Variants in GCGR observed in about 807,000 individuals in gnomAD.
GCGR encodes the protein glucagon receptor.
GCGR carries 41 observed loss-of-function variants against 56.1 expected under a neutral mutation model. The ratio of observed to expected loss-of-function variants is 0.73; its 90% CI spans 0.57 to 0.95. The LOEUF (loss-of-function observed/expected upper bound fraction) is 0.95. Ranked by LOEUF, GCGR falls within the 40% of genes least tolerant of loss-of-function variation. The pLI, the probability that GCGR is intolerant of heterozygous loss-of-function variation, is 0.00. For missense variants in GCGR, 595 were observed against 638.2 expected (o/e 0.93, Z 0.73); for synonymous variants, 278 against 271.1 (o/e 1.03, Z -0.25).
chr17:81,808,668 C>T (rs1040794933), intron 1 of GCGR, among the ~76,000 whole-genome samples, 174 bp from the exon 2 acceptor site: 2 of 152,108 alleles, frequency 1.3e-5, no homozygotes, highest in South Asian at 2.1e-4. Flanking sequence ...TACAGACGCC[C>T]GCCACCACGC....
Position 81,812,665 on chromosome 17 carries a change from G to A in GCGR, c.1037G>A (p.Arg346Gln), listed in dbSNP as rs1419839154. The change falls in exon 11 of 14, where the codon CGG (arginine) becomes CAG (glutamine). Residue 346 changes from arginine (R) to glutamine (Q), a missense_variant and splice_region_variant. Coordinates refer to ENST00000400723, the MANE Select transcript of GCGR (RefSeq NM_000160.5). The surrounding 1 kb of genome is among the most constrained non-coding windows in gnomAD (Gnocchi z 8.5). ...RQMHHTDYKF[R>Q]LAKSTLTLIP... Reference sequence around the variant, plus strand: ...ATGCACCACACAGACTACAAGTTCCGGTGGGTGCCGCGGCAGCTGGCGTCT... The same window carrying A: ...ATGCACCACACAGACTACAAGTTCCAGTGGGTGCCGCGGCAGCTGGCGTCT... The A allele has an allele frequency of 4.6e-6, 7 of 1,534,128 alleles. No individual in the cohort carries two copies. Among genetic ancestry groups the A allele is most frequent in the South Asian group, 2.4e-5 (2 of 83,990 alleles).
rs2037961577 is a variant in GCGR, at chr17:81,806,211, T to G, written c.-178+1962T>G. On this transcript the variant is annotated intron_variant, in intron 1 of 13. Transcript: ENST00000400723. This position sits in a 1 kb window ranked among gnomAD's most constrained non-coding sequence, Gnocchi z 6.5. The stretch of plus-strand genomic sequence containing the variant: ...AGGAGCTGGAGTCTCCCTACCCATA[T>G]GGGACCCACCACCCGCAGGGAACGG... 6.6e-6 allele frequency among the ~76,000 whole-genome samples: 1 copy of G among 152,056 alleles called. No homozygotes were observed. The highest frequency in any genetic ancestry group is 2.4e-5 in the African/African-American group (1 of 41,406).
In GCGR at chr17:81,812,477, T is replaced by G; in HGVS notation, c.949-100T>G. ...CTATGTGGCCCAGGGCCTATCTTGCTGCCAGGCCCACCTGCAGGAGGGTCA... is the reference window on the plus strand; with the variant it reads ...CTATGTGGCCCAGGGCCTATCTTGCGGCCAGGCCCACCTGCAGGAGGGTCA... On this transcript the variant is annotated intron_variant, in intron 10 of 13. Transcript: ENST00000400723. The surrounding 1 kb of genome is among the most constrained non-coding windows in gnomAD (Gnocchi z 8.5). The G allele has an allele frequency of 8.1e-7, 1 of 1,227,252 alleles. No individual in the cohort carries two copies. Among genetic ancestry groups the G allele is most frequent in the South Asian group, 1.4e-5 (1 of 70,668 alleles). 76.0% of individuals were successfully genotyped at this position (1,227,252 alleles called of 1,614,324 possible).
Position 81,812,106 on chromosome 17 carries a change from C to T in GCGR, c.879-77C>T. On this transcript the variant is annotated intron_variant, in intron 9 of 13. Transcript: ENST00000400723. The surrounding 1 kb of genome is among the most constrained non-coding windows in gnomAD (Gnocchi z 8.5). ...TTCTGAGACCCGAATTAGATCCTGG[C>T]AAAATCGGGACGGGGGTGCTGAGGG... The T allele has an allele frequency of 7.0e-7, 1 of 1,433,790 alleles. No individual in the cohort carries two copies. The highest frequency in any genetic ancestry group is 9.4e-7 in the Non-Finnish European group (1 of 1,068,946). The allele number at this position is 1,433,790 out of a possible 1,614,324, so 88.8% of individuals were successfully genotyped here.
rs1196583183 is a variant in GCGR at position 81,809,017 on chromosome 17, G to C, written c.-2G>C. The C allele has an allele frequency of 1.3e-6, 2 of 1,535,870 alleles. No homozygotes were observed. Among genetic ancestry groups the C allele is most frequent in the African/African-American group, 1.4e-5 (1 of 73,044 alleles). On this transcript the variant is annotated 5_prime_UTR_variant, in exon 2 of 14. Transcript: ENST00000400723. The stretch of plus-strand genomic sequence containing the variant: ...GTGGGAGGCAGCTAGCTGCCCAGAG[G>C]CATGCCCCCCTGCCAGCCACAGCGA...
Position 81,812,345 on chromosome 17 carries a change from G to A in GCGR, c.948+93G>A. 7.1e-7 allele frequency: 1 copy of A among 1,410,006 alleles called. No individual in the cohort carries two copies. The highest frequency in any genetic ancestry group is 9.7e-7 in the Non-Finnish European group (1 of 1,036,040). The allele number at this position is 1,410,006 out of a possible 1,614,324, so 87.3% of individuals were successfully genotyped here. A position where few individuals can be genotyped will look rare whatever the true frequency, so the allele number is the denominator to read the frequency against. On this transcript the variant is annotated intron_variant, in intron 10 of 13. Transcript: ENST00000400723. This position sits in a 1 kb window ranked among gnomAD's most constrained non-coding sequence, Gnocchi z 8.5. ...GGAGACAGCAGCATCCTGTCTGAGA[G>A]CGCTGGGAGGGAGCCGGCACCCAGA...
Position 81,812,008 on chromosome 17 carries a change from C to A in GCGR, c.878+62C>A. Reference sequence around the variant, plus strand: ...GGGGGGCTGGGGTGCGGCGCTCTGGCCTGAGGCAGGGAGGGGCCGGGGATG... The same window carrying A: ...GGGGGGCTGGGGTGCGGCGCTCTGGACTGAGGCAGGGAGGGGCCGGGGATG... On this transcript the variant is annotated intron_variant, in intron 9 of 13. Coordinates refer to ENST00000400723, the MANE Select transcript of GCGR (RefSeq NM_000160.5). The surrounding 1 kb of genome is among the most constrained non-coding windows in gnomAD (Gnocchi z 8.5). 2 of 1,531,830 alleles carry A rather than the reference C, an allele frequency of 1.3e-6. No individual in the cohort carries two copies. Among genetic ancestry groups the A allele is most frequent in the Non-Finnish European group, 1.7e-6 (2 of 1,143,146 alleles). The allele number at this position is 1,531,830 out of a possible 1,614,324, so 94.9% of individuals were successfully genotyped here.
Position 81,812,300 on chromosome 17 carries a change from G to A in GCGR, c.948+48G>A, listed in dbSNP as rs1598239305. On this transcript the variant is annotated intron_variant, in intron 10 of 13. Coordinates refer to ENST00000400723, the MANE Select transcript of GCGR (RefSeq NM_000160.5). This position sits in a 1 kb window ranked among gnomAD's most constrained non-coding sequence, Gnocchi z 8.5. Reference sequence around the variant, plus strand: ...GCGCACCCCAGGCCCCTCCTCCCTTGGCGTCCTGAGGCTGCCCCAGGAGAC... The same window carrying A: ...GCGCACCCCAGGCCCCTCCTCCCTTAGCGTCCTGAGGCTGCCCCAGGAGAC... 8 of 1,526,144 alleles carry A rather than the reference G, an allele frequency of 5.2e-6. No homozygotes were observed. In the East Asian group the frequency reaches 2.0e-4, roughly 37 times the overall value. 94.5% of individuals were successfully genotyped at this position (1,526,144 alleles called of 1,614,324 possible).
At chr17:81,809,262 A>G (rs1458276030) in intron 2 of GCGR, among the ~76,000 whole-genome samples, 184 bp downstream of exon 2, 3 of 100,956 alleles carry the variant, frequency 3.0e-5, no homozygotes, top group African/African-American at 4.1e-5. Context: ...CCATCTGCCT[A>G]TCCATCTGCC....
rs1433472699 is a variant in GCGR at position 81,804,756 on chromosome 17, C to T, written c.-178+507C>T. 6.6e-6 allele frequency among the ~76,000 whole-genome samples: 1 copy of T among 152,154 alleles called. No homozygotes were observed. The highest frequency in any genetic ancestry group is 6.5e-5 in the Admixed American group (1 of 15,282). On this transcript the variant is annotated intron_variant, in intron 1 of 13. Coordinates refer to ENST00000400723, the MANE Select transcript of GCGR (RefSeq NM_000160.5). The surrounding 1 kb of genome is among the most constrained non-coding windows in gnomAD (Gnocchi z 8.2). Reference sequence around the variant, plus strand: ...GAGGGGTGTCTGCGCCCCGCCTGGCCGCTCCTCTTCCGCGGCCCACACTGG... The same window carrying T: ...GAGGGGTGTCTGCGCCCCGCCTGGCTGCTCCTCTTCCGCGGCCCACACTGG...
intron 1 of GCGR, among the ~76,000 whole-genome samples, chr17:81,805,684 G>A (rs2037947709): frequency 6.6e-6 from 1 of 151,888 alleles, no homozygotes; most frequent in Admixed American, 6.6e-5. Flanking sequence ...GGGCACCTCG[G>A]GAACCCCCCC....
At chr17:81,809,646 C>T (rs1598235895) in intron 2 of GCGR, 136 bp from the exon 3 acceptor site, 2 of 671,780 alleles carry the variant, frequency 3.0e-6, no homozygotes, top group Non-Finnish European at 5.2e-6. Flanking sequence ...TGTCTGTCTG[C>T]CTGTCTGCCT....
Position 81,804,542 on chromosome 17 carries a change from G to A in GCGR, c.-178+293G>A, listed in dbSNP as rs1218904817. Among the ~76,000 whole-genome samples the A allele has an allele frequency of 1.3e-5, 2 of 151,832 alleles. No homozygotes were observed. The highest frequency in any genetic ancestry group is 2.9e-5 in the Non-Finnish European group (2 of 67,880). ...GGGCGGGGGTGTCGCTGGCCGCCTGGCGCCCTGCGGCGGCCACACTGCAGC... is the reference window on the plus strand; with the variant it reads ...GGGCGGGGGTGTCGCTGGCCGCCTGACGCCCTGCGGCGGCCACACTGCAGC... On this transcript the variant is annotated intron_variant, in intron 1 of 13. Coordinates refer to ENST00000400723, the MANE Select transcript of GCGR (RefSeq NM_000160.5). This position sits in a 1 kb window ranked among gnomAD's most constrained non-coding sequence, Gnocchi z 8.2.
In GCGR at chr17:81,804,903, C is replaced by G. The variant is rs1048630274; in HGVS notation, c.-178+654C>G. ...GACTCTGAACCGACTGACCCCGGCC[C>G]CCTCGGCGCCCGCATCCTCCAAGGA... is the stretch of plus-strand genomic sequence containing the variant. On this transcript the variant is annotated intron_variant, in intron 1 of 13. Coordinates refer to ENST00000400723, the MANE Select transcript of GCGR (RefSeq NM_000160.5). This position sits in a 1 kb window ranked among gnomAD's most constrained non-coding sequence, Gnocchi z 8.2. Among the ~76,000 whole-genome samples the G allele has an allele frequency of 6.6e-6, 1 of 152,230 alleles. No individual in the cohort carries two copies. Among genetic ancestry groups the G allele is most frequent in the African/African-American group, 2.4e-5 (1 of 41,466 alleles).
chr17:81,811,389 T>C lies in GCGR; in HGVS notation c.501-15T>C, dbSNP rs760851108. The C allele has an allele frequency of 4.6e-6, 7 of 1,536,060 alleles. No homozygotes were observed. The highest frequency in any genetic ancestry group is 4.9e-5 in the East Asian group (2 of 40,900). ...GACAGGGAGGAGGACGGGCGCTGAC[T>C]GGCTGTGCCCACAGCAAGCTGCACT... On this transcript the variant is annotated splice_polypyrimidine_tract_variant and intron_variant, in intron 6 of 13. Transcript: ENST00000400723. The surrounding 1 kb of genome is among the most constrained non-coding windows in gnomAD (Gnocchi z 5.8).
chr17:81,813,579 G>C lies in GCGR; in HGVS notation c.1324G>C (p.Gly442Arg). ...NHRASSSPGH[G>R]PPSKELQFGR... ...CAGGGCCTCATCTTCGCCCGGCCAC[G>C]GCCCTCCCAGCAAGGAGCTGCAGTT... Residue 442 changes from glycine (G) to arginine (R), a missense_variant, in exon 14 of 14, where the codon GGC becomes CGC. By Grantham distance (125) the Gly-to-Arg change is moderately radical. Coordinates refer to ENST00000400723, the MANE Select transcript of GCGR (RefSeq NM_000160.5). The surrounding 1 kb of genome is among the most constrained non-coding windows in gnomAD (Gnocchi z 5.3). 6.5e-7 allele frequency: 1 copy of C among 1,536,436 alleles called. No homozygotes were observed.
chr17:81,809,195 C>G, intron 2 of GCGR, 117 bp downstream of exon 2: 1 of 1,229,380 alleles, frequency 8.1e-7, no homozygotes, highest in South Asian at 1.5e-5. Context: ...TGTCTGTCTG[C>G]CCGTCTGCCT....
chr17:81,805,966 G>T (rs2037955236), intron 1 of GCGR, among the ~76,000 whole-genome samples: 2 of 152,148 alleles, frequency 1.3e-5, no homozygotes, highest in African/African-American at 2.4e-5. Flanking sequence ...GTCTCCTCTC[G>T]GGGGAGAGGG....
At position 81,806,333 on chromosome 17, in the gene GCGR, T is replaced by C. The variant is rs2037964860; in HGVS notation, c.-178+2084T>C. On this transcript the variant is annotated intron_variant, in intron 1 of 13. Coordinates refer to ENST00000400723, the MANE Select transcript of GCGR (RefSeq NM_000160.5). The surrounding 1 kb of genome is among the most constrained non-coding windows in gnomAD (Gnocchi z 6.5). ...TCTTGTATTCAGAGGCCCTGACCCC[T>C]AGGGATCCGGGACTAGGGGTGCCCT... 6.6e-6 allele frequency among the ~76,000 whole-genome samples: 1 copy of C among 152,142 alleles called. No individual in the cohort carries two copies. The highest frequency in any genetic ancestry group is 2.1e-4 in the South Asian group (1 of 4,826).
Sources: gnomAD v4.1 joint callset for allele counts (sites outside exome capture counted in the v4.1 genomes callset) on GRCh38, gnomAD v4.1.1 for gene constraint, Gnocchi (gnomAD v3.1) non-coding constraint, MANE v1.5 for transcripts, NCBI Gene and HGNC (gene_info 2026-07-23, HGNC 2026-07-21) for gene names.